PLXDC1: variants seen among roughly 807,000 people sequenced by gnomAD.
The protein encoded by PLXDC1 is plexin domain containing 1.
A neutral mutation model predicts 61.3 loss-of-function variants in PLXDC1; 39 were observed. The observed-to-expected ratio is 0.64, with a 90% CI of 0.49 to 0.83. The LOEUF (loss-of-function observed/expected upper bound fraction) is 0.83. Among genes scored for constraint, PLXDC1 ranks in the 40% least tolerant of loss-of-function variants. The pLI is 0.00. For missense variants in PLXDC1, 596 were observed against 666.5 expected, an observed-to-expected ratio of 0.89 and a Z score of 1.17; for synonymous variants, 212 against 254.5, an observed-to-expected ratio of 0.83 and a Z score of 1.59.
At chr17:39,071,813 C>T (rs192189477) in intron 12 of PLXDC1, among the ~76,000 whole-genome samples, 25 of 152,284 alleles carry the variant, frequency 1.6e-4, no homozygotes, top group East Asian at 3.9e-4. Context: ...GCTGGAAGCC[C>T]TGATGACAAT....
intron 2 of PLXDC1, among the ~76,000 whole-genome samples, chr17:39,139,054 A>G (rs1332683447): frequency 3.9e-5 from 6 of 152,134 alleles, no homozygotes; most frequent in African/African-American, 1.4e-4. Context: ...TCACCCCCAG[A>G]CACACCGAGG....
intron 1 of PLXDC1, among the ~76,000 whole-genome samples, chr17:39,148,981 C>A (rs1240981577): frequency 1.3e-5 from 2 of 152,160 alleles, no homozygotes; most frequent in African/African-American, 4.8e-5. Flanking sequence ...AGGATGCCAA[C>A]TCTCGCTGCC....
At chr17:39,136,043 G>A (rs981525080) in intron 2 of PLXDC1, among the ~76,000 whole-genome samples, 3 of 152,170 alleles carry the variant, frequency 2.0e-5, no homozygotes, top group Non-Finnish European at 4.4e-5. Context: ...TCCTGAGCAG[G>A]TTATCAGTTA....
At chr17:39,070,526 C>G (rs1034173593) in intron 12 of PLXDC1, 1 of 152,796 alleles carries the variant, frequency 6.5e-6, no homozygotes, top group African/African-American at 2.4e-5. Context: ...ATGTCAAGCA[C>G]TGAGGACCAT....
chr17:39,124,370 G>T (rs1015028196), intron 2 of PLXDC1, among the ~76,000 whole-genome samples: 5 of 152,220 alleles, frequency 3.3e-5, no homozygotes, highest in African/African-American at 9.6e-5. Context: ...AGGAGGGAGG[G>T]TCACTTGAGG....
chr17:39,071,450 C>T (rs1355147856), intron 12 of PLXDC1, among the ~76,000 whole-genome samples: 1 of 152,130 alleles, frequency 6.6e-6, no homozygotes, highest in Non-Finnish European at 1.5e-5. Context: ...CTTCCCCATC[C>T]CCTTTGCTCT....
At position 39,066,968 on chromosome 17, in the gene PLXDC1, TTAAAGG is replaced by T. The variant is rs1908919505; in HGVS notation, c.*866_*871del. 1 of 152,138 alleles carries T rather than the reference TTAAAGG, an allele frequency of 6.6e-6. No homozygotes were observed. Among genetic ancestry groups the T allele is most frequent in the African/African-American group, 2.4e-5 (1 of 41,386 alleles). 9.4% of individuals were successfully genotyped at this position (152,138 alleles called of 1,614,324 possible). On this transcript the variant is annotated 3_prime_UTR_variant, in exon 14 of 14. Coordinates refer to ENST00000315392, the MANE Select transcript of PLXDC1 (RefSeq NM_020405.5). ...TTAACCTGTGTCATATGCAGGGGCT[TTAAAGG>T]TGGCCAGGAGCAGGGCATCTGGCTA... is the stretch of plus-strand genomic sequence containing the variant.
intron 2 of PLXDC1, among the ~76,000 whole-genome samples, chr17:39,118,795 A>T (rs1362679181): frequency 6.6e-6 from 1 of 152,246 alleles, no homozygotes; most frequent in Non-Finnish European, 1.5e-5. Context: ...CAGCTTGTGC[A>T]GCCTGAGCCA....
chr17:39,144,045 C>G (rs1374919235), intron 1 of PLXDC1, among the ~76,000 whole-genome samples: 5 of 152,156 alleles, frequency 3.3e-5, no homozygotes, highest in Admixed American at 6.5e-5. Context: ...GCTCAGCGGC[C>G]CAGAGAGGAG....
At chr17:39,119,246 G>A (rs1305337034) in intron 2 of PLXDC1, among the ~76,000 whole-genome samples, 1 of 152,114 alleles carries the variant, frequency 6.6e-6, no homozygotes, top group Non-Finnish European at 1.5e-5. Flanking sequence ...TTGCTTATGA[G>A]GTGATCAGAG....
chr17:39,105,895 G>A lies in PLXDC1; in HGVS notation c.770C>T (p.Ser257Leu), dbSNP rs891334790. ...SSQHPVKTGL[S>L]DAFMILNPSP... ...TGGATTGAGAATCATGAAGGCATCC[G>A]ATAGGCCGGTTTTGACAGGATGCTG... The change falls in exon 7 of 14, where the codon TCG becomes TTG. Residue 257 changes from serine (S) to leucine (L), a missense_variant. Transcript: ENST00000315392. 11 of 1,613,846 alleles carry A rather than the reference G, an allele frequency of 6.8e-6. No homozygotes were observed. The highest frequency in any genetic ancestry group is 4.5e-5 in the East Asian group (2 of 44,892).
intron 3 of PLXDC1, 63 bp downstream of exon 3, chr17:39,109,185 C>A: frequency 1.3e-6 from 2 of 1,555,158 alleles, no homozygotes; most frequent in Non-Finnish European, 8.7e-7. Flanking sequence ...ACTGACCAGG[C>A]AGGGTGGTTT....
intron 2 of PLXDC1, among the ~76,000 whole-genome samples, chr17:39,138,070 C>CT (rs1465990749): frequency 6.6e-6 from 1 of 152,126 alleles, no homozygotes; most frequent in African/African-American, 2.4e-5. Context: ...GTAGCTGGGA[C>CT]TACAGGGGCA....
chr17:39,122,113 G>T (rs138221799), intron 2 of PLXDC1, among the ~76,000 whole-genome samples: 9 of 115,422 alleles, frequency 7.8e-5, no homozygotes, highest in East Asian at 2.2e-4. Context: ...AAAAAAAAAG[G>T]GGGGGGGGAC....
chr17:39,065,805 G>A lies in PLXDC1; in HGVS notation c.*2035C>T, dbSNP rs1908874895. Reference sequence around the variant, plus strand: ...CTGCGACTGGCTGACAGTCCAGCAAGGCAAGGAGGTAGGTACTTCACACAC... The same window carrying A: ...CTGCGACTGGCTGACAGTCCAGCAAAGCAAGGAGGTAGGTACTTCACACAC... On this transcript the variant is annotated 3_prime_UTR_variant, in exon 14 of 14. Transcript: ENST00000315392. 6.6e-6 allele frequency: 1 copy of A among 152,434 alleles called. No individual in the cohort carries two copies. Among genetic ancestry groups the A allele is most frequent in the Non-Finnish European group, 1.5e-5 (1 of 68,234 alleles). The allele number at this position is 152,434 out of a possible 1,614,324, so 9.4% of individuals were successfully genotyped here.
At position 39,105,918 on chromosome 17, in the gene PLXDC1, C is replaced by G. The variant is rs140667008; in HGVS notation, c.747G>C (p.Gln249His). The G allele has an allele frequency of 3.7e-6, 6 of 1,613,836 alleles. No individual in the cohort carries two copies. The highest frequency in any genetic ancestry group is 5.1e-6 in the Non-Finnish European group (6 of 1,179,852). Residue 249 changes from glutamine (Q) to histidine (H), a missense_variant, in exon 7 of 14, where the codon CAG (glutamine) becomes CAC (histidine). By Grantham distance (24) the Gln-to-His change is conservative (BLOSUM62 0). Coordinates refer to ENST00000315392, the MANE Select transcript of PLXDC1 (RefSeq NM_020405.5). ...PMSVPEISSS[Q>H]HPVKTGLSDA... Reference sequence around the variant, plus strand: ...CCGATAGGCCGGTTTTGACAGGATGCTGGGAGGAGCTGATTTCCGGGACAG... The same window carrying G: ...CCGATAGGCCGGTTTTGACAGGATGGTGGGAGGAGCTGATTTCCGGGACAG...
chr17:39,140,955 T>C (rs1367709298), intron 1 of PLXDC1, among the ~76,000 whole-genome samples: 2 of 152,238 alleles, frequency 1.3e-5, no homozygotes, highest in Non-Finnish European at 2.9e-5. Flanking sequence ...CACCACCATC[T>C]ATCTGCATAA....
At chr17:39,087,186 G>A (rs181588680) in intron 8 of PLXDC1, among the ~76,000 whole-genome samples, 9 of 152,290 alleles carry the variant, frequency 5.9e-5, no homozygotes, top group Admixed American at 2.6e-4. Flanking sequence ...CCTGCCTGTG[G>A]ACCGCAGCAT....
In PLXDC1 at chr17:39,067,865, C is replaced by A. The variant is rs1908954234; in HGVS notation, c.1478G>T (p.Gly493Val). The A allele has an allele frequency of 2.5e-6, 4 of 1,613,820 alleles. No individual in the cohort carries two copies. Among genetic ancestry groups the A allele is most frequent in the East Asian group, 2.2e-5 (1 of 44,898 alleles). Residue 493 changes from glycine (G) to valine (V), a missense_variant, in exon 14 of 14, where the codon GGC becomes GTC. Gly to Val is a moderately radical substitution (Grantham distance 109). Coordinates refer to ENST00000315392, the MANE Select transcript of PLXDC1 (RefSeq NM_020405.5). ...TCAGCACTGCTCAGCCTCCATGAAG[C>A]CCTCCTTCTCATGGCCCGAGGGCTC... ...EVEPSGHEKE[G>V]FMEAEQC
Sources: allele counts gnomAD v4.1 joint callset (sites outside exome capture counted in the v4.1 genomes callset), GRCh38; gene constraint gnomAD v4.1.1; transcripts MANE v1.5; gene names NCBI Gene and HGNC (gene_info 2026-07-23, HGNC 2026-07-21).